The following SSH2 variants were observed in gnomAD, a reference collection of about 807,000 sequenced individuals.
SSH2 encodes protein phosphatase Slingshot homolog 2.
A neutral mutation model predicts 135.2 loss-of-function variants in SSH2; 37 were observed. The observed-to-expected ratio is 0.27, with a 90% CI of 0.21 to 0.36. The LOEUF (loss-of-function observed/expected upper bound fraction) is 0.36, where lower values mean the gene tolerates loss of function less well. SSH2 is among the 10% of genes least tolerant of loss of function. The pLI, the probability that SSH2 is intolerant of heterozygous loss-of-function variation, is 1.00. For missense variants in SSH2, 1,408 were observed against 1,765.3 expected (o/e 0.80, Z 3.63); for synonymous variants, 628 against 646.2 (o/e 0.97, Z 0.43).
intron 5 of SSH2, among the ~76,000 whole-genome samples, chr17:29,687,918 A>G (rs551985323): frequency 2.2e-4 from 33 of 152,374 alleles, no homozygotes; most frequent in Non-Finnish European, 4.4e-4. Context: ...TATAACTTTC[A>G]TAAGTATTAT....
intron 1 of SSH2, among the ~76,000 whole-genome samples, chr17:29,888,520 G>A (rs542585077): frequency 7.4e-4 from 112 of 152,258 alleles, no homozygotes; most frequent in African/African-American, 2.6e-3. Flanking sequence ...CTCTGGGATG[G>A]AATCCGTATA....
intron 3 of SSH2, among the ~76,000 whole-genome samples, chr17:29,715,247 CTTTCT>C (rs148806806): frequency 0.074 from 11,112 of 150,580 alleles, 1,287 homozygotes; most frequent in African/African-American, 0.25. Context: ...CTATTTCTTT[CTTTCT>C]TTTTTTTTTT....
chr17:29,832,289 C>A lies in SSH2; in HGVS notation c.144+16560G>T, dbSNP rs2042860234. The stretch of plus-strand genomic sequence containing the variant: ...CTCCTGAGTAGCTGGAATCACCATA[C>A]CCAGCTAATTTTTTAAATTTCTGGT... On this transcript the variant is annotated intron_variant, in intron 2 of 15. Coordinates refer to ENST00000540801, the MANE Select transcript of SSH2 (RefSeq NM_001282129.2). Among the ~76,000 whole-genome samples the A allele has an allele frequency of 2.6e-5, 4 of 152,204 alleles. No homozygotes were observed. The South Asian group carries it at 6.2e-4, about 24-fold the overall frequency.
intron 11 of SSH2, among the ~76,000 whole-genome samples, chr17:29,661,930 G>A (rs1166351759): frequency 6.6e-6 from 1 of 152,096 alleles, no homozygotes; most frequent in East Asian, 1.9e-4. Flanking sequence ...GGTTCAGTTT[G>A]AAAGACCTAG....
At chr17:29,868,638 TGAGGCAGGAGAATTGCTTGAACCCAG>T (rs575162878) in intron 1 of SSH2, among the ~76,000 whole-genome samples, 1 of 151,470 alleles carries the variant, frequency 6.6e-6, no homozygotes, top group South Asian at 2.1e-4. Flanking sequence ...CTTGGGAGGC[TGAGGCAGGAGAATTGCTTGAACCCAG>T]GAGGCAGAGG....
chr17:29,635,539 G>T (rs1215375048), intron 15 of SSH2, among the ~76,000 whole-genome samples: 1 of 107,236 alleles, frequency 9.3e-6, no homozygotes, highest in Non-Finnish European at 1.8e-5. Flanking sequence ...CGAGTAGCTG[G>T]GACTACAGGC....
At chr17:29,779,810 C>CAAAAAAAA (rs56789691) in intron 3 of SSH2, among the ~76,000 whole-genome samples, 286 of 19,608 alleles carry the variant, frequency 0.015, 72 homozygotes, top group Middle Eastern at 0.062. Flanking sequence ...GACTCTGTCT[C>CAAAAAAAA]AAAAAAAAAA....
chr17:29,918,938 TA>T (rs200925117), intron 1 of SSH2, among the ~76,000 whole-genome samples: 497 of 137,784 alleles, frequency 3.6e-3, no homozygotes, highest in East Asian at 0.024. Context: ...CCGTCTCAAA[TA>T]AAAAAAAAAA....
chr17:29,651,509 A>T (rs1390219470), intron 12 of SSH2, among the ~76,000 whole-genome samples: 2 of 152,200 alleles, frequency 1.3e-5, no homozygotes, highest in African/African-American at 2.4e-5. Flanking sequence ...TATCTTTCTC[A>T]CTGCACAATC....
At chr17:29,763,112 A>G (rs902988289) in intron 3 of SSH2, among the ~76,000 whole-genome samples, 2 of 152,238 alleles carry the variant, frequency 1.3e-5, no homozygotes, top group East Asian at 1.9e-4. Flanking sequence ...TATAAGGTCT[A>G]TGCCTAAAAC....
chr17:29,703,099 G>A, intron 3 of SSH2, 37 bp from the exon 4 acceptor site: 1 of 1,465,558 alleles, frequency 6.8e-7, no homozygotes. Flanking sequence ...AAATTACTTA[G>A]GAAAGGAAAT....
At chr17:29,844,221 G>C (rs1410193590) in intron 2 of SSH2, among the ~76,000 whole-genome samples, 2 of 152,102 alleles carry the variant, frequency 1.3e-5, no homozygotes, top group Non-Finnish European at 2.9e-5. Flanking sequence ...CATAAAAATA[G>C]TATGACTATT....
intron 3 of SSH2, chr17:29,776,142 ATAAAG>A (rs1453481674): frequency 1.3e-5 from 2 of 152,246 alleles, no homozygotes; most frequent in Non-Finnish European, 1.5e-5. Context: ...ATCCAAGTAA[ATAAAG>A]TAAGAACTTG....
At chr17:29,929,586 C>A (rs1049439844) in intron 1 of SSH2, among the ~76,000 whole-genome samples, 2 of 151,970 alleles carry the variant, frequency 1.3e-5, no homozygotes, top group African/African-American at 4.8e-5. Flanking sequence ...AGGAGGCTCA[C>A]GGTCCCCTCC....
chr17:29,798,859 G>T (rs917251015), intron 2 of SSH2, among the ~76,000 whole-genome samples: 152 of 152,154 alleles, frequency 1.0e-3, no homozygotes, highest in African/African-American at 3.4e-3. Context: ...GTATTCCTCT[G>T]TTCTACCTTT....
intron 3 of SSH2, among the ~76,000 whole-genome samples, chr17:29,718,938 A>G (rs1340769005): frequency 6.6e-6 from 1 of 152,128 alleles, no homozygotes; most frequent in Non-Finnish European, 1.5e-5. Flanking sequence ...TCCCAGGGAG[A>G]ACAAGGTAGC....
chr17:29,797,569 T>C (rs2042179821), intron 2 of SSH2, among the ~76,000 whole-genome samples: 1 of 152,178 alleles, frequency 6.6e-6, no homozygotes, highest in Non-Finnish European at 1.5e-5. Context: ...TATTGATGGA[T>C]ACATTTGGGA....
chr17:29,921,368 C>G (rs1471431130), intron 1 of SSH2, among the ~76,000 whole-genome samples: 2 of 152,196 alleles, frequency 1.3e-5, no homozygotes, highest in Non-Finnish European at 2.9e-5. Context: ...TGAGACTACA[C>G]TTAAACATTT....
At chr17:29,722,464 A>G (rs1487663802) in intron 3 of SSH2, among the ~76,000 whole-genome samples, 1 of 152,174 alleles carries the variant, frequency 6.6e-6, no homozygotes, top group Non-Finnish European at 1.5e-5. Context: ...ATAAGCTGCA[A>G]TGTCCTTTGA....
Sources: gnomAD v4.1 joint callset for allele counts (sites outside exome capture counted in the v4.1 genomes callset) on GRCh38, gnomAD v4.1.1 for gene constraint, MANE v1.5 for transcripts, NCBI Gene and HGNC (gene_info 2026-07-23, HGNC 2026-07-21) for gene names.